Variants in CLSTN2 observed in about 807,000 individuals in gnomAD.
CLSTN2 encodes the protein calsyntenin-2.
In CLSTN2, 48 loss-of-function variants were observed where a neutral mutation model predicts 101.2. The observed-to-expected ratio is 0.47, with a 90% CI of 0.38 to 0.60. The LOEUF is 0.60. Among genes scored for constraint, CLSTN2 ranks in the 20% least tolerant of loss-of-function variants. The pLI is 0.00. For synonymous variants in CLSTN2, 481 were observed against 463.6 expected, an observed-to-expected ratio of 1.04 and a Z score of -0.48; for missense variants, 1,160 against 1,238.2, an observed-to-expected ratio of 0.94 and a Z score of 0.95.
intron 2 of CLSTN2, among the ~76,000 whole-genome samples, chr3:140,361,397 A>C (rs895077674): frequency 6.6e-6 from 1 of 152,216 alleles, no homozygotes; most frequent in Non-Finnish European, 1.5e-5. Flanking sequence ...TAGAAGATGG[A>C]AATCTCTCTC....
chr3:140,430,261 T>TC (rs1261419462), intron 5 of CLSTN2, among the ~76,000 whole-genome samples: 2 of 151,904 alleles, frequency 1.3e-5, no homozygotes, highest in African/African-American at 4.8e-5. Flanking sequence ...TAATAGATAA[T>TC]CCCCCCTGAG....
chr3:140,221,382 A>G (rs1175740517), intron 2 of CLSTN2, among the ~76,000 whole-genome samples: 3 of 152,204 alleles, frequency 2.0e-5, no homozygotes, highest in Non-Finnish European at 4.4e-5. Context: ...GCTACATAAT[A>G]TAAATTACAC....
chr3:140,135,453 T>C (rs2009601826), intron 1 of CLSTN2, among the ~76,000 whole-genome samples: 1 of 152,104 alleles, frequency 6.6e-6, no homozygotes, highest in Non-Finnish European at 1.5e-5. Flanking sequence ...GTTGATTCAA[T>C]ATGTCATTTC....
At chr3:139,944,596 G>A (rs911990563) in intron 1 of CLSTN2, among the ~76,000 whole-genome samples, 1 of 152,226 alleles carries the variant, frequency 6.6e-6, no homozygotes, top group African/African-American at 2.4e-5. Context: ...GTGAGCCCTT[G>A]GAGGGGGAAG....
At position 140,563,191 on chromosome 3, in the gene CLSTN2, C is replaced by T; in HGVS notation, c.2470C>T (p.Gln824Ter). 1 of 1,613,990 alleles carries T rather than the reference C, an allele frequency of 6.2e-7. No homozygotes were observed. The highest frequency in any genetic ancestry group is 1.1e-5 in the South Asian group (1 of 91,054). ...VHHPESRSSI[Q>*]HSSVVPSIAT... ...TCATCCTGAGTCCCGGAGTAGCATCCAGCACAGTTCAGGTAGGGTGCCCAA... is the reference window on the plus strand; with the variant it reads ...TCATCCTGAGTCCCGGAGTAGCATCTAGCACAGTTCAGGTAGGGTGCCCAA... Residue 824 changes from glutamine (Q) to a stop codon, truncating the protein, a stop_gained, in exon 15 of 17, where the codon CAG (glutamine) becomes TAG (stop). Coordinates refer to ENST00000458420, the MANE Select transcript of CLSTN2 (RefSeq NM_022131.3). LOFTEE classifies it high-confidence loss of function.
At chr3:139,972,275 A>G (rs1935720495) in intron 1 of CLSTN2, among the ~76,000 whole-genome samples, 1 of 151,948 alleles carries the variant, frequency 6.6e-6, no homozygotes, top group South Asian at 2.1e-4. Flanking sequence ...AAAAAAAAAA[A>G]GTTTGATAGG....
At chr3:140,486,576 T>C (rs1489425113) in intron 8 of CLSTN2, among the ~76,000 whole-genome samples, 4 of 152,222 alleles carry the variant, frequency 2.6e-5, no homozygotes. Flanking sequence ...GTTCAGAGTC[T>C]ATGAGTACTC....
At chr3:140,565,138 G>A (rs1323624295) in intron 16 of CLSTN2, among the ~76,000 whole-genome samples, 2 of 152,226 alleles carry the variant, frequency 1.3e-5, no homozygotes, top group African/African-American at 4.8e-5. Flanking sequence ...GGAGCAGTGT[G>A]AGGACAAGGC....
chr3:140,122,496 A>G (rs2009359504), intron 1 of CLSTN2, among the ~76,000 whole-genome samples: 1 of 152,246 alleles, frequency 6.6e-6, no homozygotes, highest in Admixed American at 6.5e-5. Context: ...ATAATAAAGA[A>G]TGCCTTTACT....
intron 2 of CLSTN2, among the ~76,000 whole-genome samples, chr3:140,364,603 A>G (rs1316955321): frequency 6.6e-6 from 1 of 152,128 alleles, no homozygotes; most frequent in East Asian, 1.9e-4. Context: ...AGCAGCTTAC[A>G]ATAGCAGTTG....
At chr3:140,171,223 T>C (rs1358647816) in intron 1 of CLSTN2, among the ~76,000 whole-genome samples, 1 of 152,192 alleles carries the variant, frequency 6.6e-6, no homozygotes, top group Non-Finnish European at 1.5e-5. Flanking sequence ...TCAGTCCGAA[T>C]GCCAAACTGT....
intron 1 of CLSTN2, among the ~76,000 whole-genome samples, chr3:140,065,848 C>G (rs1042997382): frequency 3.9e-5 from 6 of 152,100 alleles, no homozygotes; most frequent in Admixed American, 6.5e-5. Context: ...AAATATTAAG[C>G]CTCAATGGGC....
chr3:140,000,783 C>A (rs749992807), intron 1 of CLSTN2, among the ~76,000 whole-genome samples: 1 of 152,270 alleles, frequency 6.6e-6, no homozygotes, highest in South Asian at 2.1e-4. Flanking sequence ...TATTATCTTT[C>A]CTTTCTCTAG....
intron 1 of CLSTN2, among the ~76,000 whole-genome samples, chr3:139,943,072 A>G (rs1016247714): frequency 4.6e-5 from 7 of 151,908 alleles, no homozygotes; most frequent in African/African-American, 1.5e-4. Flanking sequence ...GCAGCCCCAT[A>G]TGTCCCAAAC....
intron 5 of CLSTN2, among the ~76,000 whole-genome samples, chr3:140,440,399 AAG>A (rs922808732): frequency 6.6e-6 from 1 of 152,234 alleles, no homozygotes; most frequent in African/African-American, 2.4e-5. Flanking sequence ...AATAAAGGAA[AAG>A]AGGGGATTCC....
rs1576602485 is a variant in CLSTN2 at position 140,505,206 on chromosome 3, G to A, written c.1345-27118G>A. ...GGAGCAGGTGGTCCAGATGTGGCTG[G>A]AATGGGTTTGTCTTTTCTAGAGCAA... On this transcript the variant is annotated intron_variant, in intron 8 of 16. Transcript: ENST00000458420. 2.6e-5 allele frequency among the ~76,000 whole-genome samples: 4 copies of A among 152,126 alleles called. No homozygotes were observed. In the South Asian group the frequency reaches 8.3e-4, roughly 32 times the overall value.
At chr3:140,551,916 G>T (rs1408184397) in intron 10 of CLSTN2, among the ~76,000 whole-genome samples, 1 of 151,514 alleles carries the variant, frequency 6.6e-6, no homozygotes, top group African/African-American at 2.4e-5. Flanking sequence ...TCCCTTTTGT[G>T]ACAGAAGAAC....
chr3:140,031,668 T>G (rs567738174), intron 1 of CLSTN2, among the ~76,000 whole-genome samples: 1 of 152,180 alleles, frequency 6.6e-6, no homozygotes, highest in Non-Finnish European at 1.5e-5. Context: ...AGGTATTTCT[T>G]GAAAACAAGG....
At chr3:140,228,398 A>T (rs2086341592) in intron 2 of CLSTN2, among the ~76,000 whole-genome samples, 1 of 152,294 alleles carries the variant, frequency 6.6e-6, no homozygotes, top group South Asian at 2.1e-4. Flanking sequence ...CCTGGACTTT[A>T]TATTCCATAT....
Sources: gnomAD v4.1 joint callset for allele counts (sites outside exome capture counted in the v4.1 genomes callset) on GRCh38, gnomAD v4.1.1 for gene constraint, MANE v1.5 for transcripts, NCBI Gene and HGNC (gene_info 2026-07-23, HGNC 2026-07-21) for gene names.